Variants in RYR3 observed in about 807,000 individuals in gnomAD.
The protein encoded by RYR3 is brain ryanodine receptor-calcium release channel.
RYR3 carries 207 observed loss-of-function variants against 584.3 expected under a neutral mutation model. The observed-to-expected ratio is 0.35, with a 90% CI of 0.32 to 0.40. The LOEUF (loss-of-function observed/expected upper bound fraction) is 0.40, where lower values mean the gene tolerates loss of function less well. Among genes scored for constraint, RYR3 ranks in the 10% least tolerant of loss-of-function variants. The pLI is 1.00. For missense variants in RYR3, 5,616 were observed against 6,089.2 expected (o/e 0.92, Z 2.59); for synonymous variants, 2,416 against 2,248.5 (o/e 1.07, Z -2.11).
intron 98 of RYR3, among the ~76,000 whole-genome samples, chr15:33,855,322 G>C (rs912970641): frequency 6.6e-6 from 1 of 152,160 alleles, no homozygotes; most frequent in African/African-American, 2.4e-5. Context: ...TCCTGCCTCA[G>C]CCTCCAGAGT....
At chr15:33,706,485 G>A (rs143626720) in intron 42 of RYR3, among the ~76,000 whole-genome samples, 6 of 152,182 alleles carry the variant, frequency 3.9e-5, no homozygotes, top group Admixed American at 6.5e-5. Flanking sequence ...GGAACGATAC[G>A]GTATTTGTCT....
At position 33,311,947 on chromosome 15, in the gene RYR3, G is replaced by T. The variant is rs1415299782; in HGVS notation, c.51+851G>T. 1.3e-5 allele frequency among the ~76,000 whole-genome samples: 2 copies of T among 152,202 alleles called. No homozygotes were observed. The highest frequency in any genetic ancestry group is 2.9e-5 in the Non-Finnish European group (2 of 68,036). ...TCAGGGTGGACGGCCACCCGGAGGG[G>T]TGGGGGCATTGGGGATGCATCCTAG... is the stretch of plus-strand genomic sequence containing the variant. On this transcript the variant is annotated intron_variant, in intron 1 of 103. Coordinates refer to ENST00000634891, the MANE Select transcript of RYR3 (RefSeq NM_001036.6). This position sits in a 1 kb window ranked among gnomAD's most constrained non-coding sequence, Gnocchi z 4.4.
intron 1 of RYR3, among the ~76,000 whole-genome samples, chr15:33,359,443 A>G (rs1224556493): frequency 6.6e-6 from 1 of 151,352 alleles, no homozygotes; most frequent in Non-Finnish European, 1.5e-5. Flanking sequence ...ACCAGACACC[A>G]CTCTGCCCCA....
intron 62 of RYR3, among the ~76,000 whole-genome samples, chr15:33,770,958 A>G (rs781110463): frequency 3.6e-4 from 55 of 152,344 alleles, no homozygotes; most frequent in Non-Finnish European, 7.1e-4. Context: ...TCCAATTCTA[A>G]GTTTTATGAA....
At chr15:33,569,866 G>A (rs1595640850) in intron 12 of RYR3, among the ~76,000 whole-genome samples, 1 of 107,050 alleles carries the variant, frequency 9.3e-6, no homozygotes, top group African/African-American at 2.9e-5. Context: ...ATTTTATCAT[G>A]TGCTTATTAG....
intron 18 of RYR3, among the ~76,000 whole-genome samples, chr15:33,606,767 A>G (rs2059928229): frequency 6.6e-6 from 1 of 152,168 alleles, no homozygotes; most frequent in South Asian, 2.1e-4. Context: ...CAGCCTACAC[A>G]GTATGTTACT....
chr15:33,847,689 A>G (rs561545522), intron 93 of RYR3: 1 of 152,488 alleles, frequency 6.6e-6, no homozygotes, highest in East Asian at 1.9e-4. Context: ...TTATAAAAGA[A>G]TAGAGAGTGA....
intron 51 of RYR3, among the ~76,000 whole-genome samples, chr15:33,741,290 A>G (rs999595314): frequency 6.6e-6 from 1 of 152,222 alleles, no homozygotes; most frequent in Non-Finnish European, 1.5e-5. Context: ...TAGCACGCAT[A>G]GTCACCAGGG....
chr15:33,575,834 T>A (rs1280081356), intron 12 of RYR3, among the ~76,000 whole-genome samples: 2 of 144,512 alleles, frequency 1.4e-5, no homozygotes, highest in Admixed American at 6.9e-5. Context: ...GAGCTGGTTT[T>A]AAAAAAAAAA....
Position 33,721,906 on chromosome 15 carries a change from A to G in RYR3, c.6620-809A>G, listed in dbSNP as rs1052787889. On this transcript the variant is annotated intron_variant, in intron 43 of 103. Transcript: ENST00000634891. ...TATCAGGAAATGAGACCCTATCTTCATTATCTATGGTTCATCCAAAAACAA... is the reference window on the plus strand; with the variant it reads ...TATCAGGAAATGAGACCCTATCTTCGTTATCTATGGTTCATCCAAAAACAA... Among the ~76,000 whole-genome samples the G allele has an allele frequency of 2.6e-5, 4 of 152,192 alleles. No homozygotes were observed. The South Asian group carries it at 6.2e-4, about 24-fold the overall frequency.
intron 10 of RYR3, among the ~76,000 whole-genome samples, chr15:33,561,238 G>T (rs536093941): frequency 7.9e-5 from 12 of 152,120 alleles, no homozygotes; most frequent in African/African-American, 2.9e-4. Context: ...AGAAAATGTC[G>T]TATAGACAAA....
At chr15:33,352,145 G>A (rs924089195) in intron 1 of RYR3, among the ~76,000 whole-genome samples, 10 of 151,950 alleles carry the variant, frequency 6.6e-5, no homozygotes, top group African/African-American at 1.2e-4. Flanking sequence ...TCTTTTGCCC[G>A]TTTTTAAATC....
At chr15:33,563,717 T>C (rs1279422021) in intron 11 of RYR3, among the ~76,000 whole-genome samples, 3 of 152,158 alleles carry the variant, frequency 2.0e-5, no homozygotes, top group Non-Finnish European at 4.4e-5. Context: ...TGCTCTGTAG[T>C]TGAGGTATAG....
At chr15:33,649,318 A>G in intron 31 of RYR3, 83 bp downstream of exon 31, 1 of 1,329,114 alleles carries the variant, frequency 7.5e-7, no homozygotes. Flanking sequence ...CCCACACCCA[A>G]AGAAGGAAAC....
At chr15:33,697,788 T>G (rs959146006) in intron 39 of RYR3, 94 bp from the exon 40 acceptor site, 1 of 732,732 alleles carries the variant, frequency 1.4e-6, no homozygotes, top group African/African-American at 1.7e-5. Context: ...TTCATATTAT[T>G]TTGCCCTCTC....
In RYR3 at chr15:33,538,878, T is replaced by C. The variant is rs566254611; in HGVS notation, c.434-472T>C. Among the ~76,000 whole-genome samples the C allele has an allele frequency of 1.0e-3, 154 of 152,326 alleles. 1 individual carries two copies. The highest frequency in any genetic ancestry group is 1.9e-3 in the Non-Finnish European group (128 of 68,036). The stretch of plus-strand genomic sequence containing the variant: ...TTCTTTGCTATCAATTTCTCACTTA[T>C]TGTCTGAGTCCTTGCAGATGTAAGC... On this transcript the variant is annotated intron_variant, in intron 5 of 103. Coordinates refer to ENST00000634891, the MANE Select transcript of RYR3 (RefSeq NM_001036.6).
At chr15:33,534,943 G>A (rs1397751186) in intron 5 of RYR3, among the ~76,000 whole-genome samples, 2 of 152,228 alleles carry the variant, frequency 1.3e-5, no homozygotes, top group African/African-American at 4.8e-5. Flanking sequence ...GCAAACAAGA[G>A]AACTTGATTC....
intron 93 of RYR3, among the ~76,000 whole-genome samples, chr15:33,845,377 C>T (rs1405811124): frequency 6.6e-6 from 1 of 152,178 alleles, no homozygotes; most frequent in Non-Finnish European, 1.5e-5. Flanking sequence ...CTCAGCCTCC[C>T]GAGTAGCTGG....
At chr15:33,828,441 C>T (rs1439615139) in intron 85 of RYR3, among the ~76,000 whole-genome samples, 2 of 152,152 alleles carry the variant, frequency 1.3e-5, no homozygotes, top group African/African-American at 4.8e-5. Context: ...AAAGGCTAGG[C>T]CCCTTGCACT....
Sources: allele counts gnomAD v4.1 joint callset (sites outside exome capture counted in the v4.1 genomes callset), GRCh38; gene constraint gnomAD v4.1.1; non-coding constraint Gnocchi (gnomAD v3.1); transcripts MANE v1.5; gene names NCBI Gene and HGNC (gene_info 2026-07-23, HGNC 2026-07-21).